Variants in PTPRJ observed in about 807,000 individuals in gnomAD.
PTPRJ encodes protein tyrosine phosphatase receptor type J.
A neutral mutation model predicts 141.3 loss-of-function variants in PTPRJ; 129 were observed. The observed-to-expected ratio is 0.91, with a 90% CI of 0.79 to 1.06. The LOEUF is 1.06. Ranked by LOEUF, PTPRJ falls within the 50% of genes least tolerant of loss-of-function variation. The probability of loss-of-function intolerance (pLI) is 0.00; values close to 1 mark genes in which losing one functional copy is unlikely to be tolerated. For synonymous variants in PTPRJ, 610 were observed against 640.5 expected (o/e 0.95, Z 0.72); for missense variants, 1,601 against 1,679.7 (o/e 0.95, Z 0.82).
At position 48,142,934 on chromosome 11, in the gene PTPRJ, A is replaced by T; in HGVS notation, c.2459A>T (p.Asp820Val). The change falls in exon 12 of 25, where the codon GAT becomes GTT. Residue 820 changes from aspartate (D) to valine (V), a missense_variant. By Grantham distance (152) the Asp-to-Val change is radical. Transcript: ENST00000418331. The part of the protein sequence containing the change: ...TTGITDPPPP[D>V]GSPNITSVSH... ...TTTGTTTTAGATCCCCCTCCTCCAGATGGATCCCCTAATATTACATCTGTC... is the reference window on the plus strand; with the variant it reads ...TTTGTTTTAGATCCCCCTCCTCCAGTTGGATCCCCTAATATTACATCTGTC... The T allele has an allele frequency of 6.2e-7, 1 of 1,613,928 alleles. No individual in the cohort carries two copies. The highest frequency in any genetic ancestry group is 8.5e-7 in the Non-Finnish European group (1 of 1,179,888).
chr11:48,072,215 G>C (rs1365070423), intron 1 of PTPRJ, among the ~76,000 whole-genome samples: 1 of 152,190 alleles, frequency 6.6e-6, no homozygotes, highest in Admixed American at 6.5e-5. Context: ...CCAAGACTGA[G>C]TAAGGGGTGA....
Position 48,121,241 on chromosome 11 carries a change from T to C in PTPRJ, c.591T>C (p.Asp197=), listed in dbSNP as rs1590527698. The C allele has an allele frequency of 1.2e-6, 2 of 1,614,100 alleles. No individual in the cohort carries two copies. Among genetic ancestry groups the C allele is most frequent in the Non-Finnish European group, 1.7e-6 (2 of 1,179,978 alleles). Residue 197 remains aspartate (D), a synonymous_variant, in exon 4 of 25, where the codon GAT becomes GAC. Coordinates refer to ENST00000418331, the MANE Select transcript of PTPRJ (RefSeq NM_002843.4). ...TPGIGNETWG[D]PRVIKVITEP... ...GAATAGGCAATGAGACTTGGGGAGATCCCAGAGTCATAAAAGTCATCACAG... is the reference window on the plus strand; with the variant it reads ...GAATAGGCAATGAGACTTGGGGAGACCCCAGAGTCATAAAAGTCATCACAG...
At chr11:48,006,496 G>T (rs374932726) in intron 1 of PTPRJ, among the ~76,000 whole-genome samples, 1 of 152,140 alleles carries the variant, frequency 6.6e-6, no homozygotes, top group Non-Finnish European at 1.5e-5. Flanking sequence ...AAGCTCCCAC[G>T]TGGAGGCCAG....
At chr11:48,093,858 G>A (rs928921266) in intron 1 of PTPRJ, among the ~76,000 whole-genome samples, 10 of 151,874 alleles carry the variant, frequency 6.6e-5, no homozygotes, top group Non-Finnish European at 1.3e-4. Context: ...TGGCTCCTGC[G>A]GCTCTGACGA....
At position 48,160,057 on chromosome 11, in the gene PTPRJ, A is replaced by G. The variant is rs750499068; in HGVS notation, c.3558+8A>G. 3 of 1,613,586 alleles carry G rather than the reference A, an allele frequency of 1.9e-6. No individual in the cohort carries two copies. Among genetic ancestry groups the G allele is most frequent in the Middle Eastern group, 1.7e-4 (1 of 6,058 alleles). On this transcript the variant is annotated splice_region_variant and intron_variant, in intron 22 of 24. Transcript: ENST00000418331. The stretch of plus-strand genomic sequence containing the variant: ...GATTTCACAGTGAAAAATGTAAGTA[A>G]GAAGTCAGGATCAGTTGAGCTCATG...
chr11:47,984,403 T>C (rs1395384395), intron 1 of PTPRJ, among the ~76,000 whole-genome samples: 1 of 152,190 alleles, frequency 6.6e-6, no homozygotes, highest in Non-Finnish European at 1.5e-5. Context: ...TAAGAGGCAA[T>C]TTTCTGTGTG....
chr11:48,058,309 A>G (rs1345555094), intron 1 of PTPRJ, among the ~76,000 whole-genome samples: 3 of 152,138 alleles, frequency 2.0e-5, no homozygotes, highest in Middle Eastern at 3.4e-3. Flanking sequence ...GGCTCAAGCA[A>G]TCCTCCTGCC....
chr11:48,050,872 C>G (rs1854548008), intron 1 of PTPRJ, among the ~76,000 whole-genome samples: 1 of 152,026 alleles, frequency 6.6e-6, no homozygotes, highest in Admixed American at 6.6e-5. Context: ...GTGCACTGTG[C>G]CTCTTTCTGT....
intron 10 of PTPRJ, among the ~76,000 whole-genome samples, chr11:48,138,069 T>A (rs1857145254): frequency 6.6e-6 from 1 of 152,186 alleles, no homozygotes; most frequent in Admixed American, 6.5e-5. Flanking sequence ...TTTCTGCCCT[T>A]CTCGCTCCTA....
chr11:48,073,270 A>G (rs1855308914), intron 1 of PTPRJ, among the ~76,000 whole-genome samples: 1 of 152,134 alleles, frequency 6.6e-6, no homozygotes. Context: ...CTTTACTGGC[A>G]GTCTCTATTC....
At chr11:48,020,693 T>C (rs1855094207) in intron 1 of PTPRJ, among the ~76,000 whole-genome samples, 2 of 152,192 alleles carry the variant, frequency 1.3e-5, no homozygotes, top group Non-Finnish European at 2.9e-5. Context: ...GATTCCACAG[T>C]TGCCAGCTTC....
At chr11:48,146,608 T>G (rs893896760) in intron 14 of PTPRJ, among the ~76,000 whole-genome samples, 1 of 152,180 alleles carries the variant, frequency 6.6e-6, no homozygotes, top group Admixed American at 6.5e-5. Flanking sequence ...GAGACAGACC[T>G]GGAGAGGAAC....
At chr11:48,120,827 A>T (rs1315569619) in intron 3 of PTPRJ, among the ~76,000 whole-genome samples, 176 bp from the exon 4 acceptor site, 1 of 152,168 alleles carries the variant, frequency 6.6e-6, no homozygotes, top group East Asian at 1.9e-4. Context: ...ACATACACAC[A>T]TACATGTATG....
chr11:48,131,070 A>ATTTTT (rs71045547), intron 8 of PTPRJ, among the ~76,000 whole-genome samples: 1 of 46,566 alleles, frequency 2.1e-5, no homozygotes, highest in Non-Finnish European at 4.1e-5. Flanking sequence ...ATATATATAT[A>ATTTTT]TTTTTTTTTT....
rs916765583 is a variant in PTPRJ at position 48,092,210 on chromosome 11, G to C, written c.97-17848G>C. ...CTCAGTAGGCTGAGGCAAAAGAATT[G>C]CTTGAACCTGGGAGGCGGGGGTTGC... On this transcript the variant is annotated intron_variant, in intron 1 of 24. Transcript: ENST00000418331. Among the ~76,000 whole-genome samples the C allele has an allele frequency of 2.1e-5, 3 of 141,074 alleles. No individual in the cohort carries two copies. The South Asian group carries it at 6.8e-4, about 32-fold the overall frequency. 92.6% of individuals were successfully genotyped at this position (141,074 alleles called of 152,430 possible).
At chr11:48,144,163 T>C (rs1857298263) in intron 12 of PTPRJ, among the ~76,000 whole-genome samples, 1 of 152,188 alleles carries the variant, frequency 6.6e-6, no homozygotes, top group Non-Finnish European at 1.5e-5. Context: ...AGAAATTTGC[T>C]GGTGCCATAA....
At chr11:48,014,747 T>A (rs994619685) in intron 1 of PTPRJ, 1 of 152,262 alleles carries the variant, frequency 6.6e-6, no homozygotes. Context: ...TTACCCAGGC[T>A]GGAGTACAGT....
chr11:48,141,451 G>A (rs1857226927), intron 11 of PTPRJ, among the ~76,000 whole-genome samples: 1 of 152,060 alleles, frequency 6.6e-6, no homozygotes. Flanking sequence ...CCAACTCTGG[G>A]AAAAATGTGG....
Position 48,167,539 on chromosome 11 carries a change from G to A in PTPRJ, c.*177G>A. 1.5e-6 allele frequency: 1 copy of A among 648,452 alleles called. No homozygotes were observed. The highest frequency in any genetic ancestry group is 2.4e-6 in the Non-Finnish European group (1 of 417,630). The allele number at this position is 648,452 out of a possible 1,614,324, so 40.2% of individuals were successfully genotyped here. On this transcript the variant is annotated 3_prime_UTR_variant, in exon 25 of 25. Transcript: ENST00000418331. Reference sequence around the variant, plus strand: ...GATAGATGACAAATTGGGGCTGTCGGGGGCTGTGGATGGGTGGGGAGCAAA... The same window carrying A: ...GATAGATGACAAATTGGGGCTGTCGAGGGCTGTGGATGGGTGGGGAGCAAA...
Sources: gnomAD v4.1 joint callset for allele counts (sites outside exome capture counted in the v4.1 genomes callset) on GRCh38, gnomAD v4.1.1 for gene constraint, MANE v1.5 for transcripts, NCBI Gene and HGNC (gene_info 2026-07-23, HGNC 2026-07-21) for gene names.